The following RSPH6A variants were observed in gnomAD, a reference collection of about 807,000 sequenced individuals.
The protein encoded by RSPH6A is radial spoke head protein 6 homolog A.
RSPH6A carries 49 observed loss-of-function variants against 66.1 expected under a neutral mutation model. The observed-to-expected ratio is 0.74, with a 90% confidence interval of 0.59 to 0.94. The LOEUF (loss-of-function observed/expected upper bound fraction) is 0.94. Ranked by LOEUF, RSPH6A falls within the 40% of genes least tolerant of loss-of-function variation. The probability of loss-of-function intolerance (pLI) is 0.00; values close to 1 mark genes in which losing one functional copy is unlikely to be tolerated. For missense variants in RSPH6A, 977 were observed against 948.3 expected (o/e 1.03, Z -0.40); for synonymous variants, 419 against 402.4 (o/e 1.04, Z -0.49).
In RSPH6A at chr19:45,795,786, A is replaced by G. The variant is rs553153389; in HGVS notation, c.*83T>C. On this transcript the variant is annotated 3_prime_UTR_variant, in exon 6 of 6. Coordinates refer to ENST00000221538, the MANE Select transcript of RSPH6A (RefSeq NM_030785.4). ...TGCCCTCTGGGGACAGGAAGCACAT[A>G]GTGAAAATATAATCCATGCTAACTA... The G allele has an allele frequency of 6.1e-5, 75 of 1,234,316 alleles. No homozygotes were observed. In the African/African-American group the frequency reaches 9.9e-4, roughly 16 times the overall value. 76.5% of individuals were successfully genotyped at this position (1,234,316 alleles called of 1,614,324 possible).
chr19:45,811,330 C>T (rs1265495241), intron 1 of RSPH6A, among the ~76,000 whole-genome samples: 2 of 151,792 alleles, frequency 1.3e-5, no homozygotes, highest in African/African-American at 4.8e-5. Flanking sequence ...ATCAAACGAG[C>T]AAAATATATA....
At chr19:45,803,846 A>G (rs1178708349) in intron 3 of RSPH6A, among the ~76,000 whole-genome samples, 1 of 151,654 alleles carries the variant, frequency 6.6e-6, no homozygotes. Context: ...ACAAAAAATT[A>G]GCCAGGTGTG....
At chr19:45,799,547 A>T (rs928507635) in intron 5 of RSPH6A, among the ~76,000 whole-genome samples, 1 of 146,244 alleles carries the variant, frequency 6.8e-6, no homozygotes, top group East Asian at 2.0e-4. Context: ...AATTTTTTTA[A>T]TTTTTTTTTT....
rs754076223 is a variant in RSPH6A at position 45,804,626 on chromosome 19, G to A, written c.1279C>T (p.Leu427=). ...EESRSGANKY[L]YFVCNEPGLP... Reference sequence around the variant, plus strand: ...CCCGGCTCGTTGCACACAAAGTACAGGTACTTGTTGGCGCCTGAGCGGCTC... The same window carrying A: ...CCCGGCTCGTTGCACACAAAGTACAAGTACTTGTTGGCGCCTGAGCGGCTC... The change falls in exon 3 of 6, where the codon CTG becomes TTG. Residue 427 remains leucine (L), a synonymous_variant. Coordinates refer to ENST00000221538, the MANE Select transcript of RSPH6A (RefSeq NM_030785.4). This position sits in a 1 kb window ranked among gnomAD's most constrained non-coding sequence, Gnocchi z 5.8. 10 of 1,614,074 alleles carry A rather than the reference G, an allele frequency of 6.2e-6. No individual in the cohort carries two copies. The highest frequency in any genetic ancestry group is 2.7e-5 in the African/African-American group (2 of 74,940).
chr19:45,811,826 G>A (rs918907404), intron 1 of RSPH6A, among the ~76,000 whole-genome samples: 1 of 149,978 alleles, frequency 6.7e-6, no homozygotes, highest in African/African-American at 2.5e-5. Flanking sequence ...AGGCTGGAGT[G>A]CAGTGGTGTG....
chr19:45,800,480 G>A lies in RSPH6A; in HGVS notation c.1882C>T (p.Leu628Phe), dbSNP rs750975123. 9 of 1,613,398 alleles carry A rather than the reference G, an allele frequency of 5.6e-6. No homozygotes were observed. The highest frequency in any genetic ancestry group is 1.6e-4 in the Middle Eastern group (1 of 6,082). The change falls in exon 5 of 6, where the codon CTC becomes TTC. Residue 628 changes from leucine to phenylalanine, a missense_variant. Leu to Phe is a conservative substitution (Grantham distance 22). Transcript: ENST00000221538. ...QYSVAVVRSN[L>F]WPGAYAYASG... Reference sequence around the variant, plus strand: ...GCATAGGCATAGGCCCCGGGCCAGAGGTTGGAGCGCACAACGGCCACTGAG... The same window carrying A: ...GCATAGGCATAGGCCCCGGGCCAGAAGTTGGAGCGCACAACGGCCACTGAG...
chr19:45,805,014 C>T lies in RSPH6A; in HGVS notation c.891G>A (p.Gly297=). ...EGEQEMEEEV[G]ETPVPNIMET... is the part of the protein sequence containing the mutation. ...CCATGATGTTGGGCACTGGTGTCTCCCCCTGCGCAGGGTAGGGTGGAGGGC... is the reference window on the plus strand; with the variant it reads ...CCATGATGTTGGGCACTGGTGTCTCTCCCTGCGCAGGGTAGGGTGGAGGGC... Residue 297 remains glycine, a splice_region_variant and synonymous_variant, in exon 3 of 6, where the codon GGG becomes GGA. Coordinates refer to ENST00000221538, the MANE Select transcript of RSPH6A (RefSeq NM_030785.4). 3.1e-6 allele frequency: 5 copies of T among 1,607,210 alleles called. No homozygotes were observed. The highest frequency in any genetic ancestry group is 3.4e-6 in the Non-Finnish European group (4 of 1,178,704).
Position 45,814,625 on chromosome 19 carries a change from G to A in RSPH6A, c.552C>T (p.His184=), listed in dbSNP as rs776839323. 2 of 1,601,828 alleles carry A rather than the reference G, an allele frequency of 1.2e-6. No homozygotes were observed. Among genetic ancestry groups the A allele is most frequent in the Non-Finnish European group, 1.7e-6 (2 of 1,173,798 alleles). ...CGGGCTCAGGCACCTGGGCACTGTA[G>A]TGTGGGAAGCCCAGCTCAGAGGGCA... is the stretch of plus-strand genomic sequence containing the variant. The part of the protein sequence containing the change: ...QFLPSELGFP[H]YSAQVPEPEP... Residue 184 remains histidine, a synonymous_variant, in exon 1 of 6, where the codon CAC becomes CAT. Transcript: ENST00000221538.
At chr19:45,797,681 A>T (rs1970422911) in intron 5 of RSPH6A, among the ~76,000 whole-genome samples, 1 of 151,714 alleles carries the variant, frequency 6.6e-6, no homozygotes, top group Non-Finnish European at 1.5e-5. Context: ...GCTCGAGACC[A>T]CCCTGGTGAA....
In RSPH6A at chr19:45,802,178, T is replaced by G. The variant is rs147024277; in HGVS notation, c.1740A>C (p.Pro580=). The G allele has an allele frequency of 1.1e-4, 165 of 1,561,220 alleles. No individual in the cohort carries two copies. In the African/African-American group the frequency reaches 2.2e-3, roughly 21 times the overall value. ...GGCCAACCTCCTGCTCCACCTCCTC[T>G]GGCCCCTCATCTGCCTTCTCTTCCT... ...GEEEEKADEG[P]EEVEQEVGPP... Residue 580 remains proline, a synonymous_variant, in exon 4 of 6, where the codon CCA becomes CCC. Coordinates refer to ENST00000221538, the MANE Select transcript of RSPH6A (RefSeq NM_030785.4).
chr19:45,797,107 T>C (rs896469625), intron 5 of RSPH6A, among the ~76,000 whole-genome samples: 3 of 150,832 alleles, frequency 2.0e-5, no homozygotes, highest in African/African-American at 7.3e-5. Context: ...CTGGACGCAG[T>C]GGCTCACGCC....
chr19:45,798,253 G>T (rs1054621290), intron 5 of RSPH6A, among the ~76,000 whole-genome samples: 1 of 152,096 alleles, frequency 6.6e-6, no homozygotes, highest in African/African-American at 2.4e-5. Context: ...CAGCTACTAG[G>T]GGGGCTGAGG....
At position 45,804,920 on chromosome 19, in the gene RSPH6A, C is replaced by T; in HGVS notation, c.985G>A (p.Ala329Thr). 1 of 1,614,232 alleles carries T rather than the reference C, an allele frequency of 6.2e-7. No homozygotes were observed. The highest frequency in any genetic ancestry group is 1.1e-5 in the South Asian group (1 of 91,086). Residue 329 changes from alanine (A) to threonine (T), a missense_variant, in exon 3 of 6, where the codon GCC becomes ACC. Coordinates refer to ENST00000221538, the MANE Select transcript of RSPH6A (RefSeq NM_030785.4). The surrounding 1 kb of genome is among the most constrained non-coding windows in gnomAD (Gnocchi z 5.8). Reference protein sequence around the residue: ...SSDESFRIFLAMKQLVEQQPI... With the variant: ...SSDESFRIFLTMKQLVEQQPI... ...TGCTGCTCCACCAGCTGTTTCATGGCCAGGAAAATGCGGAAGCTCTCGTCC... is the reference window on the plus strand; with the variant it reads ...TGCTGCTCCACCAGCTGTTTCATGGTCAGGAAAATGCGGAAGCTCTCGTCC...
chr19:45,811,891 C>T (rs1444534011), intron 1 of RSPH6A, among the ~76,000 whole-genome samples: 4 of 150,872 alleles, frequency 2.7e-5, no homozygotes, highest in African/African-American at 9.7e-5. Context: ...AGTGATTCTC[C>T]TGCCTCGGCC....
chr19:45,812,800 T>A (rs978941725), intron 1 of RSPH6A, among the ~76,000 whole-genome samples: 7 of 152,012 alleles, frequency 4.6e-5, no homozygotes, highest in Non-Finnish European at 1.5e-5. Context: ...GTTCAAGTGA[T>A]TCTCCTGCCT....
In RSPH6A at chr19:45,814,947, GC is replaced by G; in HGVS notation, c.229del (p.Ala77LeufsTer14). The G allele has an allele frequency of 1.2e-6, 2 of 1,614,076 alleles. No individual in the cohort carries two copies. Among genetic ancestry groups the G allele is most frequent in the Non-Finnish European group, 8.5e-7 (1 of 1,180,042 alleles). ...ENLLMPQVFQ[A>X]EEARLGGMEY... ...CATGCCACCCAGCCGGGCTTCCTCA[GC>G]CTGGAAGACCTGGGGCATCAGCAAG... On this transcript the variant is annotated frameshift_variant, in exon 1 of 6. Transcript: ENST00000221538. LOFTEE classifies it high-confidence loss of function.
intron 5 of RSPH6A, among the ~76,000 whole-genome samples, 195 bp from the exon 6 acceptor site, chr19:45,796,301 G>C (rs369780462): frequency 6.8e-6 from 1 of 147,978 alleles, no homozygotes; most frequent in East Asian, 2.0e-4. Context: ...CTACAGGCAC[G>C]CGTCACTACG....
chr19:45,809,181 T>A (rs1349547574), intron 2 of RSPH6A, among the ~76,000 whole-genome samples: 3 of 149,130 alleles, frequency 2.0e-5, no homozygotes, highest in African/African-American at 7.4e-5. Context: ...TTTTGTATTT[T>A]TACAAGAGAT....
At chr19:45,797,962 G>A (rs1321993052) in intron 5 of RSPH6A, among the ~76,000 whole-genome samples, 4 of 152,116 alleles carry the variant, frequency 2.6e-5, no homozygotes, top group East Asian at 1.9e-4. Context: ...ATAACCCAGC[G>A]AATTCAGCCT....
Sources: gnomAD v4.1 joint callset for allele counts (sites outside exome capture counted in the v4.1 genomes callset) on GRCh38, gnomAD v4.1.1 for gene constraint, Gnocchi (gnomAD v3.1) non-coding constraint, MANE v1.5 for transcripts, NCBI Gene and HGNC (gene_info 2026-07-23, HGNC 2026-07-21) for gene names.